TNFSF4: variants seen among roughly 807,000 people sequenced by gnomAD.
TNFSF4 encodes tumor necrosis factor ligand superfamily member 4.
TNFSF4 carries 4 observed loss-of-function variants against 7.3 expected under a neutral mutation model. That is an observed-to-expected ratio of 0.55 (90% CI 0.27 to 1.25). The LOEUF is 1.25. TNFSF4 is among the 50% of genes most tolerant of loss of function. The pLI, the probability that TNFSF4 is intolerant of heterozygous loss-of-function variation, is 0.12. For missense variants in TNFSF4, 181 were observed against 208.8 expected (o/e 0.87, Z 0.82); for synonymous variants, 76 against 83.7 (o/e 0.91, Z 0.50).
chr1:173,270,998 AT>A, the TNFSF4 span, among the ~76,000 whole-genome samples: 3 of 152,154 alleles, frequency 2.0e-5, no homozygotes, highest in South Asian at 6.2e-4. Flanking sequence ...CGTAAGCTGC[AT>A]CGAGTTTAAG....
the TNFSF4 span, among the ~76,000 whole-genome samples, chr1:173,341,911 C>A: frequency 6.6e-6 from 1 of 152,306 alleles, no homozygotes; most frequent in South Asian, 2.1e-4. Context: ...TTCACCCCTT[C>A]TGGAAGTCTC....
chr1:173,378,106 C>T, the TNFSF4 span, among the ~76,000 whole-genome samples: 3 of 152,190 alleles, frequency 2.0e-5, no homozygotes, highest in Non-Finnish European at 4.4e-5. Flanking sequence ...GTAAGGGCGA[C>T]TAAATCCGAC....
chr1:173,399,300 C>T, the TNFSF4 span, among the ~76,000 whole-genome samples: 1 of 152,212 alleles, frequency 6.6e-6, no homozygotes, highest in African/African-American at 2.4e-5. Flanking sequence ...AGACCCAGAA[C>T]TGTTTACAGA....
chr1:173,314,529 C>G, the TNFSF4 span, among the ~76,000 whole-genome samples: 9 of 152,092 alleles, frequency 5.9e-5, no homozygotes, highest in Non-Finnish European at 1.2e-4. Flanking sequence ...ATCCATTTTG[C>G]ATACTTCTAT....
At chr1:173,437,981 C>T in the TNFSF4 span, among the ~76,000 whole-genome samples, 1 of 152,244 alleles carries the variant, frequency 6.6e-6, no homozygotes, top group African/African-American at 2.4e-5. Context: ...TAAAATCCCA[C>T]TAGAATTTTT....
chr1:173,188,695 A>C (rs1649342875), intron 1 of TNFSF4, 126 bp from the exon 2 acceptor site: 1 of 799,558 alleles, frequency 1.3e-6, no homozygotes, highest in Non-Finnish European at 2.0e-6. Context: ...ACAACAGAAG[A>C]CTTGACTTTT....
chr1:173,446,459 A>G, the TNFSF4 span, among the ~76,000 whole-genome samples: 9 of 152,210 alleles, frequency 5.9e-5, no homozygotes, highest in South Asian at 2.1e-4. Flanking sequence ...TAAGTGAATG[A>G]ATAAATAAAC....
At chr1:173,279,048 C>T in the TNFSF4 span, among the ~76,000 whole-genome samples, 1 of 152,226 alleles carries the variant, frequency 6.6e-6, no homozygotes, top group East Asian at 1.9e-4. Context: ...TGGAAGATCT[C>T]ACTTCTCCTG....
chr1:173,205,293 C>A, intron 1 of TNFSF4: 1 of 1,612,078 alleles, frequency 6.2e-7, no homozygotes, highest in Non-Finnish European at 8.5e-7. Flanking sequence ...AGCTAATTCT[C>A]CCCTAGAGAT....
At chr1:173,373,444 G>A in the TNFSF4 span, among the ~76,000 whole-genome samples, 1 of 152,166 alleles carries the variant, frequency 6.6e-6, no homozygotes. Flanking sequence ...CGGGGGCATA[G>A]TTTTCTCTCC....
upstream of TNFSF4, among the ~76,000 whole-genome samples, chr1:173,209,588 C>A (rs933854748): frequency 6.6e-6 from 1 of 152,068 alleles, no homozygotes; most frequent in African/African-American, 2.4e-5. Flanking sequence ...CACTGTAATC[C>A]GGAACTCCTG....
chr1:173,308,811 G>A, the TNFSF4 span, among the ~76,000 whole-genome samples: 2 of 151,906 alleles, frequency 1.3e-5, no homozygotes, highest in South Asian at 2.1e-4. Flanking sequence ...TAGCATCTTG[G>A]AGCCTAGCTG....
the TNFSF4 span, among the ~76,000 whole-genome samples, chr1:173,304,584 C>G: frequency 6.6e-6 from 1 of 151,960 alleles, no homozygotes; most frequent in South Asian, 2.1e-4. Context: ...AAACTCTGAC[C>G]CTTTCTTCTA....
chr1:173,325,022 C>T, the TNFSF4 span, among the ~76,000 whole-genome samples: 1 of 152,218 alleles, frequency 6.6e-6, no homozygotes, highest in East Asian at 1.9e-4. Context: ...ACCTAAGAGA[C>T]ATCTACAGAA....
chr1:173,299,212 T>G, the TNFSF4 span, among the ~76,000 whole-genome samples: 1 of 151,942 alleles, frequency 6.6e-6, no homozygotes, highest in African/African-American at 2.4e-5. Flanking sequence ...CACACTCCTT[T>G]TCCCCACTGC....
chr1:173,416,380 C>T, the TNFSF4 span, among the ~76,000 whole-genome samples: 1 of 152,136 alleles, frequency 6.6e-6, no homozygotes, highest in Admixed American at 6.5e-5. Flanking sequence ...AATGGAGCAT[C>T]TTCCTGAACA....
chr1:173,224,686 AAACTC>A, the TNFSF4 span, among the ~76,000 whole-genome samples: 8 of 152,204 alleles, frequency 5.3e-5, no homozygotes, highest in Non-Finnish European at 1.0e-4. Flanking sequence ...TGAGTAAGAC[AAACTC>A]AGGTCTGTCT....
chr1:173,304,544 T>C, the TNFSF4 span, among the ~76,000 whole-genome samples: 1 of 151,972 alleles, frequency 6.6e-6, no homozygotes, highest in Non-Finnish European at 1.5e-5. Context: ...TGGGCCTTAA[T>C]ATAATCACTG....
the TNFSF4 span, among the ~76,000 whole-genome samples, chr1:173,218,472 C>G: frequency 2.6e-5 from 4 of 152,066 alleles, no homozygotes; most frequent in African/African-American, 9.7e-5. Flanking sequence ...AACTCAGTGC[C>G]CATCAATGAA....
Sources: gnomAD v4.1 joint callset for allele counts (sites outside exome capture counted in the v4.1 genomes callset) on GRCh38, gnomAD v4.1.1 for gene constraint, MANE v1.5 for transcripts, NCBI Gene and HGNC (gene_info 2026-07-23, HGNC 2026-07-21) for gene names.